Variants in PTN observed in about 807,000 individuals in gnomAD.
PTN encodes pleiotrophin, also known as heparin affin regulatory protein.
A neutral mutation model predicts 24.1 loss-of-function variants in PTN; 18 were observed. The observed-to-expected ratio is 0.75, with a 90% CI of 0.52 to 1.11. The LOEUF is 1.11. Ranked by LOEUF, PTN falls within the 50% of genes least tolerant of loss-of-function variation. The pLI, the probability that PTN is intolerant of heterozygous loss-of-function variation, is 0.00. For synonymous variants in PTN, 78 were observed against 68.6 expected (o/e 1.14, Z -0.67); for missense variants, 163 against 198.8 (o/e 0.82, Z 1.08).
At chr7:137,298,468 G>A (rs1327297605) in intron 1 of PTN, among the ~76,000 whole-genome samples, 3 of 151,392 alleles carry the variant, frequency 2.0e-5, no homozygotes, top group Non-Finnish European at 4.4e-5. Context: ...AATAACTAAA[G>A]CATTATAAAC....
At chr7:137,308,943 C>T (rs1809933726) in intron 1 of PTN, among the ~76,000 whole-genome samples, 1 of 152,094 alleles carries the variant, frequency 6.6e-6, no homozygotes, top group Non-Finnish European at 1.5e-5. Flanking sequence ...TCTACCAGTT[C>T]AAATGACCAT....
intron 1 of PTN, among the ~76,000 whole-genome samples, chr7:137,289,903 T>C (rs1585031256): frequency 1.3e-5 from 2 of 152,296 alleles, no homozygotes; most frequent in East Asian, 3.9e-4. Flanking sequence ...GCGTTAATCA[T>C]AAGAATCGTT....
At chr7:137,335,155 G>A (rs1810425762) in intron 1 of PTN, among the ~76,000 whole-genome samples, 1 of 151,036 alleles carries the variant, frequency 6.6e-6, no homozygotes. Context: ...CAACTAACCT[G>A]CACATTGTGC....
At chr7:137,310,390 G>GTTTTTTTTT (rs36009703) in intron 1 of PTN, among the ~76,000 whole-genome samples, 5 of 137,204 alleles carry the variant, frequency 3.6e-5, no homozygotes, top group African/African-American at 2.7e-5. Context: ...AAGTTACCAT[G>GTTTTTTTTT]TTTTTTTTTT....
intron 1 of PTN, among the ~76,000 whole-genome samples, chr7:137,334,013 C>T (rs185133634): frequency 0.015 from 2,302 of 152,184 alleles, 75 homozygotes; most frequent in African/African-American, 0.053. Context: ...AACTGGATCC[C>T]TTCCTTACAC....
At chr7:137,299,052 A>T (rs1377694777) in intron 1 of PTN, among the ~76,000 whole-genome samples, 1 of 151,942 alleles carries the variant, frequency 6.6e-6, no homozygotes, top group Non-Finnish European at 1.5e-5. Context: ...GAAAAATTGC[A>T]CTGAGCATTC....
intron 1 of PTN, among the ~76,000 whole-genome samples, chr7:137,321,967 G>A (rs895052708): frequency 6.6e-6 from 1 of 152,042 alleles, no homozygotes; most frequent in Non-Finnish European, 1.5e-5. Context: ...AAGAACTTCG[G>A]ACTTAACCAC....
chr7:137,316,641 G>A (rs1468191598), intron 1 of PTN, among the ~76,000 whole-genome samples: 7 of 152,192 alleles, frequency 4.6e-5, no homozygotes, highest in Non-Finnish European at 7.3e-5. Context: ...TCCCAAAAGA[G>A]AGTGGAGATT....
At chr7:137,298,952 T>C (rs1003724794) in intron 1 of PTN, among the ~76,000 whole-genome samples, 1 of 151,904 alleles carries the variant, frequency 6.6e-6, no homozygotes, top group Non-Finnish European at 1.5e-5. Flanking sequence ...TTGGTGAGCT[T>C]TGGAGTAATT....
chr7:137,278,317 A>T (rs1365929031), intron 1 of PTN, among the ~76,000 whole-genome samples: 16 of 143,656 alleles, frequency 1.1e-4, no homozygotes, highest in Non-Finnish European at 4.6e-5. Flanking sequence ...AAAAAAAAAA[A>T]AAAAAAAAAA....
Position 137,298,837 on chromosome 7 carries a change from A to T in PTN, c.-1-43863T>A, listed in dbSNP as rs369869407. ...CTTGCGAGCAAAGAAATGGAGCAAG[A>T]TCTATAATATAGCCAGGGATTCAGA... On this transcript the variant is annotated intron_variant, in intron 1 of 4. Transcript: ENST00000348225. 9.9e-5 allele frequency among the ~76,000 whole-genome samples: 15 copies of T among 152,054 alleles called. No homozygotes were observed. The East Asian group carries it at 2.1e-3, about 22-fold the overall frequency.
At chr7:137,330,078 G>A (rs1230195608) in intron 1 of PTN, among the ~76,000 whole-genome samples, 1 of 152,168 alleles carries the variant, frequency 6.6e-6, no homozygotes, top group Non-Finnish European at 1.5e-5. Flanking sequence ...CCTGAGGTCA[G>A]GAGTTCAAGA....
rs532711694 is a variant in PTN, at chr7:137,257,357, A to C, written c.-1-2383T>G. On this transcript the variant is annotated intron_variant, in intron 1 of 4. Transcript: ENST00000348225. The stretch of plus-strand genomic sequence containing the variant: ...TTTGCACCAACCTAATACCTCATGA[A>C]TGGTCACGCAGAAAAGTTTCTACTG... 5.9e-5 allele frequency among the ~76,000 whole-genome samples: 9 copies of C among 152,292 alleles called. No individual in the cohort carries two copies. The East Asian group carries it at 1.7e-3, about 29-fold the overall frequency.
At chr7:137,333,884 A>G (rs1810401946) in intron 1 of PTN, among the ~76,000 whole-genome samples, 1 of 152,152 alleles carries the variant, frequency 6.6e-6, no homozygotes, top group African/African-American at 2.4e-5. Context: ...CAGAAATAAC[A>G]CCACATATCT....
At chr7:137,293,603 C>A (rs1420634824) in intron 1 of PTN, among the ~76,000 whole-genome samples, 1 of 151,992 alleles carries the variant, frequency 6.6e-6, no homozygotes, top group Non-Finnish European at 1.5e-5. Flanking sequence ...CATGTCCTGA[C>A]TTTACTTTTT....
intron 4 of PTN, among the ~76,000 whole-genome samples, chr7:137,240,230 A>G (rs1808605422): frequency 6.6e-6 from 1 of 152,178 alleles, no homozygotes; most frequent in Non-Finnish European, 1.5e-5. Context: ...CACCACCACC[A>G]GTAGAACACA....
intron 1 of PTN, chr7:137,318,839 G>A (rs1810115275): frequency 6.6e-6 from 1 of 152,156 alleles, no homozygotes; most frequent in Non-Finnish European, 1.5e-5. Flanking sequence ...TGGAATAGTA[G>A]TGCCTCAAGT....
chr7:137,306,448 C>T (rs1230950634), intron 1 of PTN, among the ~76,000 whole-genome samples: 2 of 152,012 alleles, frequency 1.3e-5, no homozygotes, highest in Non-Finnish European at 2.9e-5. Flanking sequence ...GAGTGAGAGG[C>T]CATCCATACT....
At chr7:137,296,891 A>G (rs1239694007) in intron 1 of PTN, among the ~76,000 whole-genome samples, 1 of 152,048 alleles carries the variant, frequency 6.6e-6, no homozygotes, top group Non-Finnish European at 1.5e-5. Context: ...AGTCCTATGT[A>G]GATGTAGGTT....
Sources: gnomAD v4.1 joint callset for allele counts (sites outside exome capture counted in the v4.1 genomes callset) on GRCh38, gnomAD v4.1.1 for gene constraint, MANE v1.5 for transcripts, NCBI Gene and HGNC (gene_info 2026-07-23, HGNC 2026-07-21) for gene names.